Variants in ABI2 observed in about 807,000 individuals in gnomAD.
The protein encoded by ABI2 is abelson interactor 2.
ABI2 carries 25 observed loss-of-function variants against 59.2 expected under a neutral mutation model. The observed-to-expected ratio is 0.42, with a 90% CI of 0.31 to 0.59. The LOEUF (loss-of-function observed/expected upper bound fraction) is 0.59, where lower values mean the gene tolerates loss of function less well. Ranked by LOEUF, ABI2 falls within the 20% of genes least tolerant of loss-of-function variation. The probability of loss-of-function intolerance (pLI) is 0.14; values close to 1 mark genes in which losing one functional copy is unlikely to be tolerated. For synonymous variants in ABI2, 213 were observed against 235.5 expected (o/e 0.90, Z 0.87); for missense variants, 545 against 681.8 (o/e 0.80, Z 2.23).
intron 1 of ABI2, among the ~76,000 whole-genome samples, chr2:203,356,456 C>T (rs2092015037): frequency 6.6e-6 from 1 of 152,172 alleles, no homozygotes; most frequent in African/African-American, 2.4e-5. Context: ...GCAACCTCTT[C>T]CTCTCAGGTT....
At position 203,429,622 on chromosome 2, in the gene ABI2, T is replaced by G. The variant is rs996009303; in HGVS notation, c.*2270T>G. The G allele has an allele frequency of 1.3e-5, 2 of 152,174 alleles. No homozygotes were observed. Among genetic ancestry groups the G allele is most frequent in the Admixed American group, 1.3e-4 (2 of 15,278 alleles). The allele number at this position is 152,174 out of a possible 1,614,324, so 9.4% of individuals were successfully genotyped here. A position where few individuals can be genotyped will look rare whatever the true frequency, so the allele number is the denominator to read the frequency against. ...AAACACAAAAATTAGCTGGGCGTGG[T>G]GGCGCACACCTGTAGTCCCAGCTAC... On this transcript the variant is annotated 3_prime_UTR_variant, in exon 12 of 12. Transcript: ENST00000261018.
chr2:203,358,101 GTGTGTGTGTGTGTT>G (rs1231981589), intron 1 of ABI2, among the ~76,000 whole-genome samples: 1 of 146,512 alleles, frequency 6.8e-6, no homozygotes, highest in Non-Finnish European at 1.5e-5. Context: ...GTGTGTGTGT[GTGTGTGTGTGTGTT>G]TGTTTGTTTG....
At chr2:203,392,619 G>C (rs2096804599) in intron 5 of ABI2, among the ~76,000 whole-genome samples, 1 of 152,194 alleles carries the variant, frequency 6.6e-6, no homozygotes, top group African/African-American at 2.4e-5. Context: ...AATGGTGCCA[G>C]GGGTCGGGGT....
intron 1 of ABI2, among the ~76,000 whole-genome samples, chr2:203,334,750 T>A (rs1373848993): frequency 6.6e-6 from 1 of 151,568 alleles, no homozygotes; most frequent in Non-Finnish European, 1.5e-5. Context: ...AACCTCTGCC[T>A]CCTGGGTTCA....
chr2:203,337,287 A>G (rs1575673070), intron 1 of ABI2, among the ~76,000 whole-genome samples: 1 of 152,250 alleles, frequency 6.6e-6, no homozygotes, highest in South Asian at 2.1e-4. Flanking sequence ...TTAATTAACG[A>G]ATTTAGTAAA....
chr2:203,333,995 C>T (rs2075267830), intron 1 of ABI2, among the ~76,000 whole-genome samples: 2 of 148,452 alleles, frequency 1.3e-5, no homozygotes, highest in African/African-American at 5.0e-5. Flanking sequence ...GGTTAGAGTG[C>T]AGTGGCGTGA....
chr2:203,340,953 C>T (rs1454619578), intron 1 of ABI2, among the ~76,000 whole-genome samples: 1 of 152,220 alleles, frequency 6.6e-6, no homozygotes, highest in South Asian at 2.1e-4. Context: ...ACTTCAGCCA[C>T]TTTGGCATCC....
chr2:203,344,512 A>G (rs564034554), intron 1 of ABI2, among the ~76,000 whole-genome samples: 1 of 151,362 alleles, frequency 6.6e-6, no homozygotes, highest in Non-Finnish European at 1.5e-5. Context: ...ATTACAGGCA[A>G]CTGCCGCCAC....
chr2:203,333,743 A>C (rs2075075232), intron 1 of ABI2, among the ~76,000 whole-genome samples: 1 of 152,246 alleles, frequency 6.6e-6, no homozygotes, highest in East Asian at 1.9e-4. Context: ...TTGCTCTTTT[A>C]AACATTTTGT....
At position 203,388,684 on chromosome 2, in the gene ABI2, A is replaced by T. The variant is rs1185006090; in HGVS notation, c.481-2362A>T. ...TGACAGAGCGAGACTCTGTCTTAAA[A>T]AATAATAATAATAATAATAAATGTC... On this transcript the variant is annotated intron_variant, in intron 4 of 11. Transcript: ENST00000261018. Among the ~76,000 whole-genome samples the T allele has an allele frequency of 5.9e-5, 9 of 151,866 alleles. 1 individual carries two copies. The highest frequency in any genetic ancestry group is 5.3e-4 in the Admixed American group (8 of 15,212).
intron 1 of ABI2, among the ~76,000 whole-genome samples, chr2:203,354,150 A>G (rs10167132): frequency 0.74 from 112,046 of 152,024 alleles, 42,405 homozygotes; most frequent in Middle Eastern, 0.87. Context: ...GCTCAAGCCA[A>G]CCTCCCACCT....
Position 203,427,347 on chromosome 2 carries a change from GAGTAA to G in ABI2, c.1627_*2del. 6.2e-7 allele frequency: 1 copy of G among 1,613,032 alleles called. No individual in the cohort carries two copies. Among genetic ancestry groups the G allele is most frequent in the East Asian group, 2.2e-5 (1 of 44,844 alleles). ...CGTTGAGTCTATCATGCATTATTCT[GAGTAA>G]AGCTCAGCAGGGCTGTGCTTGCCTC... On this transcript the variant is annotated frameshift_variant and stop_lost, in exon 12 of 12. Coordinates refer to ENST00000261018, the MANE Select transcript of ABI2 (RefSeq NM_001375670.1). LOFTEE classifies it high-confidence loss of function.
chr2:203,368,280 A>G (rs775460279), intron 2 of ABI2, among the ~76,000 whole-genome samples: 4 of 152,144 alleles, frequency 2.6e-5, no homozygotes, highest in Non-Finnish European at 5.9e-5. Context: ...AAAATGATAA[A>G]GGTTTTGGTC....
At chr2:203,382,266 G>A (rs2096184253) in intron 4 of ABI2, 60 bp downstream of exon 4, 2 of 1,354,630 alleles carry the variant, frequency 1.5e-6, no homozygotes, top group South Asian at 1.4e-5. Flanking sequence ...TTACATATGG[G>A]GAGTTAAAGA....
At chr2:203,374,885 A>T (rs1432243517) in intron 2 of ABI2, 2 of 452,820 alleles carry the variant, frequency 4.4e-6, no homozygotes, top group East Asian at 7.0e-5. Flanking sequence ...ACTTTCAATT[A>T]TCTGTGGTAA....
intron 1 of ABI2, among the ~76,000 whole-genome samples, chr2:203,352,647 C>T (rs2089554124): frequency 6.6e-6 from 1 of 151,732 alleles, no homozygotes; most frequent in South Asian, 2.1e-4. Flanking sequence ...TTTATTACAA[C>T]AGTCAAAAGT....
intron 1 of ABI2, among the ~76,000 whole-genome samples, chr2:203,364,595 T>C (rs903022789): frequency 6.6e-6 from 1 of 152,212 alleles, no homozygotes; most frequent in Non-Finnish European, 1.5e-5. Context: ...TTGACGAGCA[T>C]GCAAATGTAA....
At chr2:203,423,517 C>A (rs1440850824) in intron 11 of ABI2, among the ~76,000 whole-genome samples, 1 of 152,190 alleles carries the variant, frequency 6.6e-6, no homozygotes, top group African/African-American at 2.4e-5. Flanking sequence ...CCTCCGCCTC[C>A]CAGGTTCACG....
intron 9 of ABI2, among the ~76,000 whole-genome samples, chr2:203,410,011 A>G (rs1391965090): frequency 2.0e-5 from 3 of 152,108 alleles, no homozygotes; most frequent in South Asian, 2.1e-4. Flanking sequence ...TCCTAGCCAT[A>G]TGGAAACATT....
Sources: allele counts gnomAD v4.1 joint callset (sites outside exome capture counted in the v4.1 genomes callset), GRCh38; gene constraint gnomAD v4.1.1; transcripts MANE v1.5; gene names NCBI Gene and HGNC (gene_info 2026-07-23, HGNC 2026-07-21).